KCNQ5: variants seen among roughly 807,000 people sequenced by gnomAD.
KCNQ5 encodes the protein potassium voltage-gated channel subfamily Q member 5.
Under a neutral mutation model 98.2 loss-of-function variants are expected in KCNQ5, and 30 were observed. The observed-to-expected ratio is 0.31, with a 90% CI of 0.23 to 0.41. The LOEUF (loss-of-function observed/expected upper bound fraction) is 0.41, where lower values mean the gene tolerates loss of function less well. KCNQ5 is among the 10% of genes least tolerant of loss of function. The probability of loss-of-function intolerance (pLI) is 1.00; values close to 1 mark genes in which losing one functional copy is unlikely to be tolerated. For synonymous variants in KCNQ5, 458 were observed against 449.4 expected (o/e 1.02, Z -0.24); for missense variants, 835 against 1,182.5 (o/e 0.71, Z 4.31).
chr6:73,171,124 T>C (rs565626827), intron 11 of KCNQ5, among the ~76,000 whole-genome samples: 1 of 152,262 alleles, frequency 6.6e-6, no homozygotes, highest in South Asian at 2.1e-4. Flanking sequence ...CTAAAGATTT[T>C]CATAAATGTT....
chr6:72,876,045 G>A (rs1581940401), intron 1 of KCNQ5, among the ~76,000 whole-genome samples: 1 of 151,906 alleles, frequency 6.6e-6, no homozygotes, highest in East Asian at 1.9e-4. Context: ...ACTTAACCTA[G>A]TCAATTGGCT....
intron 3 of KCNQ5, among the ~76,000 whole-genome samples, chr6:73,075,138 CA>C (rs1308319901): frequency 6.6e-6 from 1 of 151,670 alleles, no homozygotes; most frequent in Non-Finnish European, 1.5e-5. Flanking sequence ...TAATAATTTA[CA>C]AAGTGAAAAG....
intron 1 of KCNQ5, among the ~76,000 whole-genome samples, chr6:72,957,484 T>A (rs1005949377): frequency 6.6e-6 from 1 of 152,150 alleles, no homozygotes; most frequent in Non-Finnish European, 1.5e-5. Context: ...GGAAGCTTTT[T>A]AAAATGCCAA....
rs746026700 is a variant in KCNQ5, at chr6:73,192,617, G to C, written c.1762G>C (p.Glu588Gln). ...AATCACATCAGATAAGAAGAGCCGA[G>C]AGAAAATAACAGCAGAACATGAGAC... ...GQITSDKKSR[E>Q]KITAEHETTD... Residue 588 changes from glutamate (E) to glutamine (Q), a missense_variant, in exon 13 of 14, where the codon GAG becomes CAG. Glu to Gln is a conservative substitution (Grantham distance 29). Coordinates refer to ENST00000370398, the MANE Select transcript of KCNQ5 (RefSeq NM_019842.4). 1 of 1,612,402 alleles carries C rather than the reference G, an allele frequency of 6.2e-7. No individual in the cohort carries two copies. Among genetic ancestry groups the C allele is most frequent in the South Asian group, 1.1e-5 (1 of 90,792 alleles).
At chr6:73,100,456 G>T (rs1774722159) in intron 5 of KCNQ5, among the ~76,000 whole-genome samples, 1 of 152,018 alleles carries the variant, frequency 6.6e-6, no homozygotes, top group African/African-American at 2.4e-5. Flanking sequence ...CATGAGGTCA[G>T]GAGACCGAGA....
At chr6:72,683,724 T>G (rs1456487166) in intron 1 of KCNQ5, among the ~76,000 whole-genome samples, 4 of 151,562 alleles carry the variant, frequency 2.6e-5, no homozygotes, top group Admixed American at 2.6e-4. Flanking sequence ...TAGATGTCTC[T>G]TAGGAATGCC....
intron 1 of KCNQ5, among the ~76,000 whole-genome samples, chr6:72,913,673 T>A (rs1780028467): frequency 6.6e-6 from 1 of 152,226 alleles, no homozygotes; most frequent in African/African-American, 2.4e-5. Context: ...CTGTAGACAT[T>A]TTAAACAGTG....
intron 1 of KCNQ5, among the ~76,000 whole-genome samples, chr6:72,822,129 A>C (rs1364964846): frequency 6.6e-6 from 1 of 152,084 alleles, no homozygotes; most frequent in East Asian, 1.9e-4. Context: ...ATATAACAGG[A>C]GGGGCCTGGA....
chr6:72,962,222 C>CAT (rs775320861), intron 1 of KCNQ5, among the ~76,000 whole-genome samples: 10,648 of 138,316 alleles, frequency 0.077, 444 homozygotes, highest in Middle Eastern at 0.15. Flanking sequence ...TATATACACA[C>CAT]ATATATATAT....
intron 1 of KCNQ5, among the ~76,000 whole-genome samples, chr6:72,847,452 C>T (rs1405940889): frequency 6.6e-6 from 1 of 152,220 alleles, no homozygotes; most frequent in African/African-American, 2.4e-5. Flanking sequence ...TGAGCCACTG[C>T]ATCCAACAGA....
Position 73,194,521 on chromosome 6 carries a change from G to T in KCNQ5, c.1906G>T (p.Ala636Ser). ...IYQQVLRKGS[A>S]SALALASFQI... ...TCAACAGGTCCTTCGGAAAGGCTCT[G>T]CCTCAGCCCTCGCTTTGGCTTCATT... Residue 636 changes from alanine to serine, a missense_variant, in exon 14 of 14, where the codon GCC becomes TCC. Ala to Ser is a moderately conservative substitution (Grantham distance 99, BLOSUM62 1). Around this residue, in one of 10 missense-constraint regions of KCNQ5, gnomAD observed 416 missense variants for 446.9 expected, o/e 0.93. Transcript: ENST00000370398. 1 of 1,614,206 alleles carries T rather than the reference G, an allele frequency of 6.2e-7. No homozygotes were observed. The highest frequency in any genetic ancestry group is 8.5e-7 in the Non-Finnish European group (1 of 1,180,034).
intron 3 of KCNQ5, among the ~76,000 whole-genome samples, chr6:73,066,830 A>G (rs984311999): frequency 1.3e-5 from 2 of 152,184 alleles, no homozygotes; most frequent in African/African-American, 4.8e-5. Context: ...CCTTCTGTAT[A>G]CATAAGCAAA....
intron 1 of KCNQ5, among the ~76,000 whole-genome samples, chr6:72,835,802 A>T (rs191410717): frequency 6.6e-6 from 1 of 152,218 alleles, no homozygotes; most frequent in East Asian, 1.9e-4. Flanking sequence ...ATTACGCTAC[A>T]CTCAGTACTC....
intron 1 of KCNQ5, among the ~76,000 whole-genome samples, chr6:72,887,705 A>G (rs2150179439): frequency 6.6e-6 from 1 of 152,260 alleles, no homozygotes; most frequent in South Asian, 2.1e-4. Flanking sequence ...TTAAATTTAA[A>G]CTTTATTGAG....
intron 1 of KCNQ5, among the ~76,000 whole-genome samples, chr6:72,946,107 C>T (rs1163483800): frequency 6.6e-6 from 1 of 152,150 alleles, no homozygotes; most frequent in Non-Finnish European, 1.5e-5. Context: ...TGCAGATATC[C>T]ATAAGACCAC....
At chr6:72,919,719 T>C (rs543935517) in intron 1 of KCNQ5, among the ~76,000 whole-genome samples, 5 of 152,160 alleles carry the variant, frequency 3.3e-5, no homozygotes, top group Non-Finnish European at 5.9e-5. Context: ...ATGCCTAGAT[T>C]TTGGCAAACT....
intron 1 of KCNQ5, among the ~76,000 whole-genome samples, chr6:72,855,182 G>A (rs1258602337): frequency 1.3e-5 from 2 of 151,954 alleles, no homozygotes; most frequent in Admixed American, 6.6e-5. Context: ...ACTATGCCAT[G>A]GTGGACCAAA....
At chr6:72,829,119 C>G (rs1319787521) in intron 1 of KCNQ5, among the ~76,000 whole-genome samples, 5 of 152,004 alleles carry the variant, frequency 3.3e-5, no homozygotes, top group Admixed American at 1.3e-4. Context: ...CCTGTTTCTC[C>G]TCCCACAGTA....
chr6:73,000,492 A>G lies in KCNQ5; in HGVS notation c.399-3416A>G, dbSNP rs1031099229. On this transcript the variant is annotated intron_variant, in intron 1 of 13. Coordinates refer to ENST00000370398, the MANE Select transcript of KCNQ5 (RefSeq NM_019842.4). ...GGGAAAAAAATACTTCCATATCTCC[A>G]GCTAGAATTTATAGCCGAGATTTAA... Among the ~76,000 whole-genome samples, 32 of 152,306 alleles carry G rather than the reference A, an allele frequency of 2.1e-4. 1 individual carries two copies. The highest frequency in any genetic ancestry group is 4.4e-4 in the Non-Finnish European group (30 of 68,032).
Sources: gnomAD v4.1 joint callset for allele counts (sites outside exome capture counted in the v4.1 genomes callset) on GRCh38, gnomAD v4.1.1 for gene constraint, gnomAD v4.1.1 regional missense constraint, MANE v1.5 for transcripts, NCBI Gene and HGNC (gene_info 2026-07-23, HGNC 2026-07-21) for gene names.